TMC2: variants seen among roughly 807,000 people sequenced by gnomAD.
TMC2 encodes transmembrane channel-like protein 2.
Under a neutral mutation model 105.9 loss-of-function variants are expected in TMC2, and 102 were observed. The observed-to-expected ratio is 0.96, with a 90% CI of 0.82 to 1.14. The LOEUF (loss-of-function observed/expected upper bound fraction) is 1.14, where lower values mean the gene tolerates loss of function less well. Ranked by LOEUF, TMC2 falls within the 50% of genes most tolerant of loss-of-function variation. TMC2 has a pLI of 0.00. For synonymous variants in TMC2, 402 were observed against 422.8 expected, an observed-to-expected ratio of 0.95 and a Z score of 0.60; for missense variants, 1,093 against 1,134.3, an observed-to-expected ratio of 0.96 and a Z score of 0.52.
At chr20:2,606,067 T>G (rs1382007235) in intron 11 of TMC2, among the ~76,000 whole-genome samples, 1 of 152,124 alleles carries the variant, frequency 6.6e-6, no homozygotes, top group Non-Finnish European at 1.5e-5. Flanking sequence ...TAAATAATTA[T>G]TAAAGTCAAT....
At chr20:2,632,721 C>T (rs1000883466) in intron 17 of TMC2, among the ~76,000 whole-genome samples, 16 of 152,066 alleles carry the variant, frequency 1.1e-4, no homozygotes, top group African/African-American at 3.6e-4. Flanking sequence ...TCCCGAGTAG[C>T]TGGGATTACA....
At chr20:2,556,371 G>A (rs1168048921) in intron 2 of TMC2, among the ~76,000 whole-genome samples, 1 of 152,264 alleles carries the variant, frequency 6.6e-6, no homozygotes, top group Non-Finnish European at 1.5e-5. Flanking sequence ...GAGCCACCAG[G>A]TTTGGCCTAT....
chr20:2,560,084 A>T (rs2086014828), intron 3 of TMC2, among the ~76,000 whole-genome samples: 1 of 152,152 alleles, frequency 6.6e-6, no homozygotes. Context: ...GGAGCGCTGA[A>T]TTCCCCGGGT....
intron 10 of TMC2, 117 bp downstream of exon 10, chr20:2,597,415 C>A: frequency 9.3e-7 from 1 of 1,080,814 alleles, no homozygotes; most frequent in Non-Finnish European, 1.3e-6. Context: ...GTGGCAAGAG[C>A]CTTCCCAGAA....
Position 2,616,101 on chromosome 20 carries a change from T to TTTC in TMC2, c.1873-35_1873-34insTCT. 3.4e-6 allele frequency: 5 copies of TTTC among 1,475,054 alleles called. No individual in the cohort carries two copies. The highest frequency in any genetic ancestry group is 4.6e-6 in the Non-Finnish European group (5 of 1,078,008). 91.4% of individuals were successfully genotyped at this position (1,475,054 alleles called of 1,614,324 possible). A position where few individuals can be genotyped will look rare whatever the true frequency, so the allele number is the denominator to read the frequency against. ...GAATTCACCAAACGTGCTTTTTTTT[T>TTTC]TCTCTCTCTCTCTCGCTCCCTCCCT... On this transcript the variant is annotated intron_variant, in intron 14 of 19. Transcript: ENST00000358864. This position sits in a 1 kb window ranked among gnomAD's most constrained non-coding sequence, Gnocchi z 4.8.
At chr20:2,624,772 A>C (rs1329218355) in intron 17 of TMC2, among the ~76,000 whole-genome samples, 2 of 152,194 alleles carry the variant, frequency 1.3e-5, no homozygotes, top group Non-Finnish European at 2.9e-5. Flanking sequence ...AGATGAGGGC[A>C]CCAGCAAGTG....
At position 2,612,240 on chromosome 20, in the gene TMC2, A is replaced by G; in HGVS notation, c.1643A>G (p.Asn548Ser). The G allele has an allele frequency of 6.2e-7, 1 of 1,612,282 alleles. No homozygotes were observed. Among genetic ancestry groups the G allele is most frequent in the Non-Finnish European group, 8.5e-7 (1 of 1,179,104 alleles). Residue 548 changes from asparagine (N) to serine (S), a missense_variant, in exon 13 of 20, where the codon AAC (asparagine) becomes AGC (serine). Physicochemically the swap from Asn to Ser is conservative, Grantham distance 46. Coordinates refer to ENST00000358864, the MANE Select transcript of TMC2 (RefSeq NM_080751.3). ...IKNITHWTLF[N>S]YYNSSGWNES... ...AACATCACTCACTGGACTCTGTTTAACTATTACAACTCTTCTGGTTGGAAC... is the reference window on the plus strand; with the variant it reads ...AACATCACTCACTGGACTCTGTTTAGCTATTACAACTCTTCTGGTTGGAAC...
chr20:2,565,155 T>A (rs1294175190), intron 4 of TMC2, among the ~76,000 whole-genome samples: 1 of 152,260 alleles, frequency 6.6e-6, no homozygotes, highest in Non-Finnish European at 1.5e-5. Flanking sequence ...CTGTCTCTTT[T>A]TCATCATTTA....
chr20:2,612,127 C>G, intron 12 of TMC2, 64 bp from the exon 13 acceptor site: 2 of 1,471,620 alleles, frequency 1.4e-6, no homozygotes, highest in Non-Finnish European at 1.8e-6. Flanking sequence ...TTTCACTGTT[C>G]TTATGGAAAC....
In TMC2 at chr20:2,612,182, C is replaced by A; in HGVS notation, c.1594-9C>A. On this transcript the variant is annotated splice_polypyrimidine_tract_variant and intron_variant, in intron 12 of 19. Coordinates refer to ENST00000358864, the MANE Select transcript of TMC2 (RefSeq NM_080751.3). ...CCTTCCTACCCCACACCTCCATCTT[C>A]TGTTCTAGCTTGCTAATGAAGAGAC... 6.3e-7 allele frequency: 1 copy of A among 1,582,170 alleles called. No individual in the cohort carries two copies. Among genetic ancestry groups the A allele is most frequent in the Non-Finnish European group, 8.6e-7 (1 of 1,157,388 alleles).
At chr20:2,573,714 C>G (rs1410056409) in intron 5 of TMC2, among the ~76,000 whole-genome samples, 1 of 147,832 alleles carries the variant, frequency 6.8e-6, no homozygotes, top group Admixed American at 6.6e-5. Context: ...GCGCCCGCCA[C>G]CACGCCCGGC....
At chr20:2,569,315 T>C (rs2086086688) in intron 4 of TMC2, among the ~76,000 whole-genome samples, 1 of 152,220 alleles carries the variant, frequency 6.6e-6, no homozygotes, top group Non-Finnish European at 1.5e-5. Flanking sequence ...ATTCATTTGT[T>C]TCTCATCCAA....
intron 17 of TMC2, among the ~76,000 whole-genome samples, chr20:2,630,328 C>T (rs1403395378): frequency 2.6e-5 from 4 of 152,252 alleles, no homozygotes; most frequent in Non-Finnish European, 4.4e-5. Context: ...TGTCCATTAT[C>T]TCTCCCTTAA....
intron 13 of TMC2, 23 bp from the exon 14 acceptor site, chr20:2,613,171 C>T (rs1286136375): frequency 6.2e-7 from 1 of 1,605,608 alleles, no homozygotes; most frequent in South Asian, 1.1e-5. Flanking sequence ...CCAACCACCC[C>T]CTCTTCCTGT....
chr20:2,637,129 C>CA (rs1394474573), intron 18 of TMC2, among the ~76,000 whole-genome samples: 2 of 151,986 alleles, frequency 1.3e-5, no homozygotes, highest in Non-Finnish European at 2.9e-5. Flanking sequence ...TGGCTCACGC[C>CA]TGTAATCCCA....
intron 4 of TMC2, among the ~76,000 whole-genome samples, chr20:2,569,859 GT>G (rs2086090445): frequency 6.6e-6 from 1 of 152,112 alleles, no homozygotes; most frequent in South Asian, 2.1e-4. Context: ...TGCTTTTTGT[GT>G]AGCCCCTCCA....
chr20:2,538,946 G>A (rs1471645886), intron 2 of TMC2, among the ~76,000 whole-genome samples: 3 of 152,190 alleles, frequency 2.0e-5, no homozygotes, highest in African/African-American at 7.2e-5. Flanking sequence ...AGAATACAAT[G>A]TTCTTTTCTC....
At chr20:2,602,081 CATTT>C in intron 10 of TMC2, 28 bp from the exon 11 acceptor site, 1 of 1,545,204 alleles carries the variant, frequency 6.5e-7, no homozygotes. Flanking sequence ...TCTGGCCTGA[CATTT>C]ATGCACATCT....
intron 5 of TMC2, among the ~76,000 whole-genome samples, chr20:2,573,586 A>G (rs2086118949): frequency 8.6e-6 from 1 of 115,956 alleles, no homozygotes; most frequent in Admixed American, 1.2e-4. Context: ...TTTGAGACGG[A>G]GTCTCACTCT....
Sources: allele counts gnomAD v4.1 joint callset (sites outside exome capture counted in the v4.1 genomes callset), GRCh38; gene constraint gnomAD v4.1.1; non-coding constraint Gnocchi (gnomAD v3.1); transcripts MANE v1.5; gene names NCBI Gene and HGNC (gene_info 2026-07-23, HGNC 2026-07-21).